The following NYAP2 variants were observed in gnomAD, a reference collection of about 807,000 sequenced individuals.
The protein encoded by NYAP2 is neuronal tyrosine-phosphorylated phosphoinositide-3-kinase adapter 2.
A neutral mutation model predicts 50.4 loss-of-function variants in NYAP2; 23 were observed. The ratio of observed to expected loss-of-function variants is 0.46; its 90% CI spans 0.33 to 0.65. NYAP2 has a LOEUF of 0.65. NYAP2 is among the 30% of genes least tolerant of loss of function. NYAP2 has a pLI of 0.02. For synonymous variants in NYAP2, 394 were observed against 365.2 expected (o/e 1.08, Z -0.90); for missense variants, 885 against 861.0 (o/e 1.03, Z -0.35).
chr2:225,539,066 A>G (rs778550666), intron 4 of NYAP2, among the ~76,000 whole-genome samples: 1 of 151,828 alleles, frequency 6.6e-6, no homozygotes, highest in Non-Finnish European at 1.5e-5. Flanking sequence ...TCATTGTTCA[A>G]TTCCCACTTA....
At chr2:225,504,487 T>A (rs1290916866) in intron 3 of NYAP2, among the ~76,000 whole-genome samples, 1 of 152,200 alleles carries the variant, frequency 6.6e-6, no homozygotes, top group Non-Finnish European at 1.5e-5. Context: ...TCAGCCACCT[T>A]GATAGGCTAT....
At chr2:225,510,609 C>G (rs1320333145) in intron 3 of NYAP2, among the ~76,000 whole-genome samples, 1 of 152,178 alleles carries the variant, frequency 6.6e-6, no homozygotes, top group Non-Finnish European at 1.5e-5. Flanking sequence ...GTGCCATCAC[C>G]TTTACTGTTT....
the NYAP2 span, among the ~76,000 whole-genome samples, chr2:225,688,141 T>C: frequency 6.6e-6 from 1 of 152,210 alleles, no homozygotes; most frequent in Non-Finnish European, 1.5e-5. Context: ...CAAGGATTGA[T>C]GTCCAGAGTT....
chr2:225,635,153 G>A (rs562610362), intron 6 of NYAP2, among the ~76,000 whole-genome samples: 1 of 152,188 alleles, frequency 6.6e-6, no homozygotes, highest in African/African-American at 2.4e-5. Flanking sequence ...ACACAAGTTT[G>A]GAGAGGTGAC....
chr2:225,549,818 G>C (rs1352045067), intron 4 of NYAP2, among the ~76,000 whole-genome samples: 1 of 151,738 alleles, frequency 6.6e-6, no homozygotes, highest in African/African-American at 2.4e-5. Flanking sequence ...CCCCCTGTTT[G>C]TACTAAAAAT....
intron 4 of NYAP2, among the ~76,000 whole-genome samples, chr2:225,543,570 C>A (rs545700305): frequency 6.6e-6 from 1 of 152,000 alleles, no homozygotes; most frequent in African/African-American, 2.4e-5. Context: ...TTCCAAAGTT[C>A]CTCTTTTTAT....
intron 3 of NYAP2, among the ~76,000 whole-genome samples, chr2:225,441,566 A>C (rs544391355): frequency 6.6e-6 from 1 of 152,348 alleles, no homozygotes; most frequent in East Asian, 1.9e-4. Context: ...CAGGAAACTT[A>C]TAATCATGGC....
At chr2:225,663,234 C>T in the NYAP2 span, among the ~76,000 whole-genome samples, 4 of 152,122 alleles carry the variant, frequency 2.6e-5, no homozygotes, top group African/African-American at 9.7e-5. Context: ...TGAATCCAAA[C>T]AAGTCTCGCA....
the NYAP2 span, among the ~76,000 whole-genome samples, chr2:225,694,809 G>C: frequency 6.6e-6 from 1 of 151,712 alleles, no homozygotes; most frequent in African/African-American, 2.4e-5. Context: ...ACCTGAGTTT[G>C]AATTATTGTC....
At chr2:225,679,771 G>A in the NYAP2 span, among the ~76,000 whole-genome samples, 2 of 152,038 alleles carry the variant, frequency 1.3e-5, no homozygotes, top group Non-Finnish European at 2.9e-5. Context: ...GAGATTACAG[G>A]TGTGAGCCAC....
intron 6 of NYAP2, among the ~76,000 whole-genome samples, chr2:225,638,129 G>A (rs1038019165): frequency 6.6e-6 from 1 of 150,676 alleles, no homozygotes; most frequent in Non-Finnish European, 1.5e-5. Context: ...CTAGATATTA[G>A]AGAGAATTTT....
chr2:225,564,425 C>T (rs948781549), intron 4 of NYAP2, among the ~76,000 whole-genome samples: 17 of 151,666 alleles, frequency 1.1e-4, no homozygotes, highest in African/African-American at 3.9e-4. Context: ...AGTGTCTGGT[C>T]CCTGTGGTCA....
At chr2:225,407,092 T>A (rs1694954390) in intron 2 of NYAP2, among the ~76,000 whole-genome samples, 1 of 152,018 alleles carries the variant, frequency 6.6e-6, no homozygotes, top group Admixed American at 6.6e-5. Flanking sequence ...TTAATTGTCG[T>A]GAAGTTATGC....
chr2:225,644,070 AG>A (rs1225664922), intron 6 of NYAP2, among the ~76,000 whole-genome samples: 1 of 149,370 alleles, frequency 6.7e-6, no homozygotes, highest in African/African-American at 2.5e-5. Context: ...ACAGTGTAAA[AG>A]TGTTCCTATT....
At chr2:225,560,053 A>G (rs1401045870) in intron 4 of NYAP2, among the ~76,000 whole-genome samples, 1 of 152,104 alleles carries the variant, frequency 6.6e-6, no homozygotes, top group Non-Finnish European at 1.5e-5. Context: ...AGATCATAAT[A>G]TATTACATAT....
chr2:225,421,868 A>G (rs1384569000), intron 3 of NYAP2, among the ~76,000 whole-genome samples: 1 of 152,210 alleles, frequency 6.6e-6, no homozygotes, highest in Non-Finnish European at 1.5e-5. Context: ...AAGAAATCCC[A>G]TGACACTTTA....
chr2:225,409,155 G>A, intron 3 of NYAP2, 54 bp downstream of exon 3: 1 of 1,307,466 alleles, frequency 7.6e-7, no homozygotes. Flanking sequence ...AGTCCATGAG[G>A]GCTGCTAAAG....
intron 5 of NYAP2, among the ~76,000 whole-genome samples, chr2:225,588,024 AAGAAATTCTCCTGCCTC>A (rs1255804454): frequency 6.6e-6 from 1 of 152,066 alleles, no homozygotes; most frequent in Non-Finnish European, 1.5e-5. Context: ...TCCCAGGTTC[AAGAAATTCTCCTGCCTC>A]AGTCTCCCGA....
the NYAP2 span, among the ~76,000 whole-genome samples, chr2:225,661,891 T>C: frequency 6.6e-6 from 1 of 152,060 alleles, no homozygotes. Context: ...ACCTGGCTAA[T>C]TTTTGTATTT....
Sources: allele counts gnomAD v4.1 joint callset (sites outside exome capture counted in the v4.1 genomes callset), GRCh38; gene constraint gnomAD v4.1.1; transcripts MANE v1.5; gene names NCBI Gene and HGNC (gene_info 2026-07-23, HGNC 2026-07-21).